The following BCAS4 variants were observed in gnomAD, a reference collection of about 807,000 sequenced individuals.
BCAS4 encodes breast carcinoma-amplified sequence 4.
In BCAS4, 9 loss-of-function variants were observed where a neutral mutation model predicts 15.7. That is an observed-to-expected ratio of 0.57 (90% CI 0.34 to 1.00). BCAS4 has a LOEUF of 1.00. BCAS4 is among the 50% of genes least tolerant of loss of function. The probability of loss-of-function intolerance (pLI) is 0.02; values close to 1 mark genes in which losing one functional copy is unlikely to be tolerated. For missense variants in BCAS4, 225 were observed against 239.1 expected (o/e 0.94, Z 0.39); for synonymous variants, 101 against 99.5 (o/e 1.02, Z -0.09).
chr20:50,810,676 C>T (rs921215631), intron 1 of BCAS4, among the ~76,000 whole-genome samples: 16 of 151,542 alleles, frequency 1.1e-4, no homozygotes, highest in African/African-American at 3.6e-4. Flanking sequence ...CTGCAAGCTC[C>T]GCTTCCTGGG....
chr20:50,847,393 C>T (rs1268724253), intron 4 of BCAS4, among the ~76,000 whole-genome samples: 3 of 152,118 alleles, frequency 2.0e-5, no homozygotes, highest in African/African-American at 4.8e-5. Context: ...GGTTGAAAAG[C>T]CAGCTTTGCT....
intron 4 of BCAS4, among the ~76,000 whole-genome samples, chr20:50,844,020 TG>T (rs1392406196): frequency 2.6e-5 from 4 of 152,094 alleles, no homozygotes; most frequent in African/African-American, 9.7e-5. Flanking sequence ...GGCGCATCCC[TG>T]TGGTCTCAGT....
Position 50,851,739 on chromosome 20 carries a change from G to A in BCAS4, c.399+9839G>A, listed in dbSNP as rs769232766. Among the ~76,000 whole-genome samples the A allele has an allele frequency of 6.6e-6, 1 of 152,070 alleles. No homozygotes were observed. Among genetic ancestry groups the A allele is most frequent in the African/African-American group, 2.4e-5 (1 of 41,394 alleles). ...ATTGTTTGCGGCCTTTGCACATGCC[G>A]GTTCCCCTCCCTGGAAAACCCTTCC... On this transcript the variant is annotated intron_variant, in intron 4 of 4. Transcript: ENST00000371608. The surrounding 1 kb of genome is among the most constrained non-coding windows in gnomAD (Gnocchi z 4.3).
rs575953885 is a variant in BCAS4, at chr20:50,856,026, C to G, written c.399+14126C>G. 9.2e-5 allele frequency among the ~76,000 whole-genome samples: 14 copies of G among 152,302 alleles called. No individual in the cohort carries two copies. The South Asian group carries it at 2.7e-3, about 29-fold the overall frequency. On this transcript the variant is annotated intron_variant, in intron 4 of 4. Coordinates refer to ENST00000371608, the MANE Select transcript of BCAS4 (RefSeq NM_198799.4). ...GGCCTGCGGGAGGGAAGAGCCTGGC[C>G]CATGTGTGGCATTCGCAGCACAGCC...
chr20:50,799,315 C>T (rs1275494876), intron 1 of BCAS4, among the ~76,000 whole-genome samples: 1 of 152,192 alleles, frequency 6.6e-6, no homozygotes, highest in East Asian at 1.9e-4. Flanking sequence ...TAATAAAGAG[C>T]CCCAACTCCC....
chr20:50,798,597 T>C (rs2087893479), intron 1 of BCAS4, among the ~76,000 whole-genome samples: 1 of 152,234 alleles, frequency 6.6e-6, no homozygotes, highest in African/African-American at 2.4e-5. Flanking sequence ...TTTTACATTC[T>C]GTTCTTTGTC....
At chr20:50,845,717 T>C (rs952291115) in intron 4 of BCAS4, among the ~76,000 whole-genome samples, 5 of 152,198 alleles carry the variant, frequency 3.3e-5, no homozygotes, top group Non-Finnish European at 7.4e-5. Context: ...GTGGCGCCCC[T>C]GGGCTGTCTG....
At chr20:50,798,558 A>G (rs1185721257) in intron 1 of BCAS4, among the ~76,000 whole-genome samples, 2 of 152,328 alleles carry the variant, frequency 1.3e-5, no homozygotes, top group African/African-American at 4.8e-5. Flanking sequence ...ATATTTCAAC[A>G]TATGATCACT....
chr20:50,807,366 T>G (rs995669302), intron 1 of BCAS4, among the ~76,000 whole-genome samples: 2 of 150,468 alleles, frequency 1.3e-5, no homozygotes, highest in African/African-American at 4.9e-5. Context: ...CTAATTTTTG[T>G]ACTTTTTTGT....
intron 4 of BCAS4, among the ~76,000 whole-genome samples, chr20:50,855,885 C>T (rs1325829343): frequency 2.0e-5 from 3 of 152,252 alleles, no homozygotes; most frequent in Admixed American, 6.5e-5. Flanking sequence ...ATAAAACTCA[C>T]AGGCAGAAAC....
chr20:50,872,298 T>C (rs1417393708), intron 4 of BCAS4, among the ~76,000 whole-genome samples: 2 of 130,578 alleles, frequency 1.5e-5, no homozygotes, highest in Non-Finnish European at 3.1e-5. Flanking sequence ...GGGCCGGGCA[T>C]GGTGGCTCAC....
At position 50,830,422 on chromosome 20, in the gene BCAS4, T is replaced by G. The variant is rs755848130; in HGVS notation, c.264+42T>G. 5.2e-6 allele frequency: 8 copies of G among 1,546,286 alleles called. No individual in the cohort carries two copies. In the African/African-American group the frequency reaches 1.1e-4, roughly 21 times the overall value. On this transcript the variant is annotated intron_variant, in intron 3 of 4. Transcript: ENST00000371608. Reference sequence around the variant, plus strand: ...GAAGGTTCTGAGGCTGTGGACTTGATCTTGCTTTTGCCTTTTCCGCAAAGA... The same window carrying G: ...GAAGGTTCTGAGGCTGTGGACTTGAGCTTGCTTTTGCCTTTTCCGCAAAGA...
chr20:50,874,021 C>A lies in BCAS4; in HGVS notation c.400-2465C>A, dbSNP rs539189187. ...GTAAGTCAAGGCCCTGGAGCCCAGA[C>A]GTGATTACCTGGCCACTCTCACTTT... On this transcript the variant is annotated intron_variant, in intron 4 of 4. Transcript: ENST00000371608. 3.3e-5 allele frequency among the ~76,000 whole-genome samples: 5 copies of A among 152,266 alleles called. No homozygotes were observed. In the South Asian group the frequency reaches 8.3e-4, roughly 25 times the overall value.
chr20:50,830,194 G>A, intron 2 of BCAS4, 85 bp from the exon 3 acceptor site: 1 of 1,100,946 alleles, frequency 9.1e-7, no homozygotes, highest in Non-Finnish European at 1.4e-6. Flanking sequence ...ATTGGGGTCT[G>A]TGTAGACCCT....
At chr20:50,857,001 T>C (rs1033208830) in intron 4 of BCAS4, among the ~76,000 whole-genome samples, 14 of 152,258 alleles carry the variant, frequency 9.2e-5, no homozygotes, top group Non-Finnish European at 2.1e-4. Flanking sequence ...TGAATGCATT[T>C]AATTACTTAA....
At chr20:50,847,759 C>G (rs1382225493) in intron 4 of BCAS4, among the ~76,000 whole-genome samples, 2 of 152,146 alleles carry the variant, frequency 1.3e-5, no homozygotes, top group African/African-American at 4.8e-5. Flanking sequence ...AATTCAGTTA[C>G]AGGTGGGACA....
chr20:50,809,672 T>A (rs1447195268), intron 1 of BCAS4, among the ~76,000 whole-genome samples: 1 of 152,200 alleles, frequency 6.6e-6, no homozygotes, highest in Non-Finnish European at 1.5e-5. Context: ...GGGAATTACA[T>A]TGAATTTGTA....
intron 4 of BCAS4, among the ~76,000 whole-genome samples, chr20:50,863,248 CTT>C (rs1054175958): frequency 4.6e-5 from 4 of 86,094 alleles, no homozygotes; most frequent in African/African-American, 2.2e-4. Context: ...CTAACTGGTG[CTT>C]TTTTTTTTTT....
intron 1 of BCAS4, among the ~76,000 whole-genome samples, chr20:50,803,284 C>G (rs568270262): frequency 6.6e-6 from 1 of 152,338 alleles, no homozygotes; most frequent in East Asian, 1.9e-4. Context: ...GCGGCTGCAG[C>G]GGGAGTCAGC....
Sources: allele counts gnomAD v4.1 joint callset (sites outside exome capture counted in the v4.1 genomes callset), GRCh38; gene constraint gnomAD v4.1.1; non-coding constraint Gnocchi (gnomAD v3.1); transcripts MANE v1.5; gene names NCBI Gene and HGNC (gene_info 2026-07-23, HGNC 2026-07-21).